GSG1L: variants seen among roughly 807,000 people sequenced by gnomAD.
GSG1L encodes germ cell-specific gene 1-like protein.
GSG1L carries 24 observed loss-of-function variants against 42.1 expected under a neutral mutation model. The observed-to-expected ratio is 0.57, with a 90% CI of 0.41 to 0.80. The LOEUF is 0.80. Ranked by LOEUF, GSG1L falls within the 30% of genes least tolerant of loss-of-function variation. The pLI, the probability that GSG1L is intolerant of heterozygous loss-of-function variation, is 0.00. For missense variants in GSG1L, 445 were observed against 472.2 expected, an observed-to-expected ratio of 0.94 and a Z score of 0.53; for synonymous variants, 215 against 203.5, an observed-to-expected ratio of 1.06 and a Z score of -0.48.
intron 5 of GSG1L, among the ~76,000 whole-genome samples, chr16:27,825,327 T>C (rs563165200): frequency 6.6e-6 from 1 of 152,220 alleles, no homozygotes; most frequent in South Asian, 2.1e-4. Flanking sequence ...GTCTGCAAAC[T>C]GGCAAACAAA....
intron 1 of GSG1L, among the ~76,000 whole-genome samples, chr16:28,006,295 T>TTTTATTTA (rs55673236): frequency 0.33 from 48,734 of 148,758 alleles, 8,332 homozygotes; most frequent in East Asian, 0.56. Flanking sequence ...CTTGATTGTA[T>TTTTATTTA]TTTATTTATT....
intron 1 of GSG1L, among the ~76,000 whole-genome samples, chr16:28,005,122 C>CT (rs1456010815): frequency 2.6e-5 from 4 of 151,954 alleles, no homozygotes; most frequent in African/African-American, 7.2e-5. Context: ...GGCCTCTCTC[C>CT]TTTTTTTTGA....
chr16:27,981,013 G>C (rs1322198591), intron 1 of GSG1L, among the ~76,000 whole-genome samples: 1 of 151,808 alleles, frequency 6.6e-6, no homozygotes, highest in Non-Finnish European at 1.5e-5. Flanking sequence ...TTCCAATCAA[G>C]ACAGCTTGGC....
intron 4 of GSG1L, among the ~76,000 whole-genome samples, chr16:27,841,743 G>C (rs570967565): frequency 7.2e-4 from 109 of 152,320 alleles, no homozygotes; most frequent in African/African-American, 2.4e-3. Flanking sequence ...CCTTTAATAA[G>C]TCCAGTGGGA....
intron 1 of GSG1L, among the ~76,000 whole-genome samples, chr16:27,970,809 T>A (rs2085186327): frequency 6.6e-6 from 1 of 152,110 alleles, no homozygotes; most frequent in African/African-American, 2.4e-5. Context: ...ATGTCTCTTA[T>A]CCATTTAGAG....
intron 6 of GSG1L, among the ~76,000 whole-genome samples, chr16:27,804,064 T>TAGATAGATAGAG (rs2082926959): frequency 6.6e-6 from 1 of 151,278 alleles, no homozygotes; most frequent in African/African-American, 2.4e-5. Flanking sequence ...GATAGATAGA[T>TAGATAGATAGAG]AGATAGATAG....
intron 1 of GSG1L, chr16:27,998,249 CAG>C (rs1448511993): frequency 6.6e-6 from 1 of 152,192 alleles, no homozygotes; most frequent in African/African-American, 2.4e-5. Context: ...TAAGAACATA[CAG>C]AGTCTGGTTT....
chr16:27,914,530 AT>A (rs34120581), intron 2 of GSG1L, among the ~76,000 whole-genome samples: 2,895 of 139,474 alleles, frequency 0.021, 37 homozygotes, highest in Middle Eastern at 0.036. Flanking sequence ...TTTCTTTTCT[AT>A]TTTTTTTTTT....
chr16:27,888,927 G>GATATAGATATAGAT (rs1555506438), intron 2 of GSG1L, among the ~76,000 whole-genome samples: 1 of 142,108 alleles, frequency 7.0e-6, no homozygotes, highest in Non-Finnish European at 1.5e-5. Flanking sequence ...CTTGTGCTTA[G>GATATAGATATAGAT]ATAGATATAG....
At chr16:27,850,689 TG>T (rs1567486078) in intron 3 of GSG1L, 1 of 410,126 alleles carries the variant, frequency 2.4e-6, no homozygotes, top group African/African-American at 2.1e-5. Context: ...TAATGCTGCC[TG>T]GGGAAGTGGG....
At chr16:27,998,216 A>T (rs1017645959) in intron 1 of GSG1L, 4 of 152,264 alleles carry the variant, frequency 2.6e-5, no homozygotes, top group Admixed American at 2.0e-4. Flanking sequence ...TTGCATACCC[A>T]TAATTTAGCT....
At chr16:27,926,990 C>A (rs1044708098) in intron 2 of GSG1L, among the ~76,000 whole-genome samples, 4 of 152,172 alleles carry the variant, frequency 2.6e-5, no homozygotes, top group Admixed American at 1.3e-4. Context: ...AGAAGCCAAG[C>A]CCTTGACCTC....
chr16:27,895,724 A>G (rs2084184220), intron 2 of GSG1L, among the ~76,000 whole-genome samples: 1 of 152,038 alleles, frequency 6.6e-6, no homozygotes, highest in South Asian at 2.1e-4. Context: ...AGGGCGAGTG[A>G]GTTGCCCAAG....
At chr16:27,844,341 C>A (rs773050273) in intron 4 of GSG1L, among the ~76,000 whole-genome samples, 3 of 152,170 alleles carry the variant, frequency 2.0e-5, no homozygotes, top group Non-Finnish European at 2.9e-5. Context: ...TGACCTGTTT[C>A]CTGTATTCAG....
intron 6 of GSG1L, among the ~76,000 whole-genome samples, chr16:27,804,015 T>C (rs1282743145): frequency 7.5e-6 from 1 of 133,324 alleles, no homozygotes; most frequent in African/African-American, 2.8e-5. Flanking sequence ...AGATGGATGA[T>C]GGATGAATAG....
chr16:27,908,380 G>A (rs543565085), intron 2 of GSG1L, among the ~76,000 whole-genome samples: 36 of 152,328 alleles, frequency 2.4e-4, no homozygotes, highest in African/African-American at 7.9e-4. Context: ...TCAGTATGCA[G>A]CATTGTCATG....
chr16:28,002,658 C>T (rs947500626), intron 1 of GSG1L, among the ~76,000 whole-genome samples: 3 of 151,904 alleles, frequency 2.0e-5, no homozygotes, highest in African/African-American at 7.3e-5. Context: ...AGGCCAGGCG[C>T]GGTGGCTCAC....
intron 2 of GSG1L, among the ~76,000 whole-genome samples, chr16:27,943,562 GTTTC>G (rs2084825369): frequency 1.5e-5 from 1 of 67,808 alleles, no homozygotes; most frequent in African/African-American, 5.6e-5. Flanking sequence ...CTTTTTCTTT[GTTTC>G]TTTTTTTTTT....
Position 28,063,419 on chromosome 16 carries a change from C to G in GSG1L, c.6G>C (p.Lys2Asn). The change falls in exon 1 of 7, where the codon AAG (lysine) becomes AAC (asparagine). Residue 2 changes from lysine (K) to asparagine (N), a missense_variant. By Grantham distance (94) the Lys-to-Asn change is moderately conservative. Coordinates refer to ENST00000447459, the MANE Select transcript of GSG1L (RefSeq NM_001109763.2). This position sits in a 1 kb window ranked among gnomAD's most constrained non-coding sequence, Gnocchi z 5.8. ...GGAGCGCTCGGCCGCGGCGGCTAGT[C>G]TTCATGCCGCCCGCGCCGCCGGGAC... M[K>N]TSRRGRALLA... The G allele has an allele frequency of 7.8e-7, 1 of 1,277,352 alleles. No individual in the cohort carries two copies. Among genetic ancestry groups the G allele is most frequent in the Non-Finnish European group, 9.9e-7 (1 of 1,007,336 alleles). The allele number at this position is 1,277,352 out of a possible 1,614,324, so 79.1% of individuals were successfully genotyped here.
Sources: gnomAD v4.1 joint callset for allele counts (sites outside exome capture counted in the v4.1 genomes callset) on GRCh38, gnomAD v4.1.1 for gene constraint, Gnocchi (gnomAD v3.1) non-coding constraint, MANE v1.5 for transcripts, NCBI Gene and HGNC (gene_info 2026-07-23, HGNC 2026-07-21) for gene names.